The following RCOR3 variants were observed in gnomAD, a reference collection of about 807,000 sequenced individuals.
The protein encoded by RCOR3 is REST corepressor 3.
In RCOR3, 13 loss-of-function variants were observed where a neutral mutation model predicts 64.1. That is an observed-to-expected ratio of 0.20 (90% CI 0.13 to 0.32). The LOEUF is 0.32. Among genes scored for constraint, RCOR3 ranks in the 10% least tolerant of loss-of-function variants. The probability of loss-of-function intolerance (pLI) is 1.00; values close to 1 mark genes in which losing one functional copy is unlikely to be tolerated. For missense variants in RCOR3, 489 were observed against 701.2 expected (o/e 0.70, Z 3.42); for synonymous variants, 215 against 239.0 (o/e 0.90, Z 0.93).
chr1:211,276,989 G>C (rs1697064754), intron 5 of RCOR3, among the ~76,000 whole-genome samples: 1 of 151,562 alleles, frequency 6.6e-6, no homozygotes, highest in African/African-American at 2.4e-5. Context: ...GGGAGGCTGA[G>C]GCAGAAGAAT....
chr1:211,314,489 A>G lies in RCOR3; in HGVS notation c.*721A>G, dbSNP rs1701767136. 3 of 152,220 alleles carry G rather than the reference A, an allele frequency of 2.0e-5. No homozygotes were observed. In the South Asian group the frequency reaches 6.2e-4, roughly 31 times the overall value. The allele number at this position is 152,220 out of a possible 1,614,324, so 9.4% of individuals were successfully genotyped here. ...AGCGCAGAGTCCTTGTTTAAAGGTCATTGACTCATCATCTGTCAGTAATGA... is the reference window on the plus strand; with the variant it reads ...AGCGCAGAGTCCTTGTTTAAAGGTCGTTGACTCATCATCTGTCAGTAATGA... On this transcript the variant is annotated 3_prime_UTR_variant, in exon 12 of 12. Coordinates refer to ENST00000419091, the MANE Select transcript of RCOR3 (RefSeq NM_001136223.3).
Position 211,259,449 on chromosome 1 carries a change from G to C in RCOR3, c.-112G>C. The stretch of plus-strand genomic sequence containing the variant: ...AACAGCCTCCTCCTCCTCCGCCGCC[G>C]CCGCCGTCTCCTCCTCCTCCTCCTT... On this transcript the variant is annotated 5_prime_UTR_variant, in exon 1 of 12. Transcript: ENST00000419091. 1.8e-6 allele frequency: 2 copies of C among 1,106,562 alleles called. No individual in the cohort carries two copies. 68.5% of individuals were successfully genotyped at this position (1,106,562 alleles called of 1,614,324 possible). A position where few individuals can be genotyped will look rare whatever the true frequency, so the allele number is the denominator to read the frequency against.
chr1:211,291,684 A>T, intron 8 of RCOR3: 1 of 410,406 alleles, frequency 2.4e-6, no homozygotes, highest in Non-Finnish European at 4.8e-6. Flanking sequence ...GGTCCTGGTT[A>T]TTCACCCAAA....
intron 7 of RCOR3, among the ~76,000 whole-genome samples, chr1:211,288,580 A>G (rs1438350473): frequency 6.8e-6 from 1 of 147,134 alleles, no homozygotes; most frequent in Non-Finnish European, 1.5e-5. Flanking sequence ...TATTATATTT[A>G]TTTTATTTAT....
intron 8 of RCOR3, among the ~76,000 whole-genome samples, chr1:211,292,475 C>T (rs191549543): frequency 6.6e-6 from 1 of 152,284 alleles, no homozygotes; most frequent in East Asian, 1.9e-4. Flanking sequence ...ACTACTACTC[C>T]TACACTTAGG....
Position 211,281,834 on chromosome 1 carries a change from C to T in RCOR3, c.720+2518C>T, listed in dbSNP as rs1697855653. Among the ~76,000 whole-genome samples the T allele has an allele frequency of 1.3e-5, 2 of 152,154 alleles. 1 individual carries two copies. Among genetic ancestry groups the T allele is most frequent in the Admixed American group, 1.3e-4 (2 of 15,254 alleles). On this transcript the variant is annotated intron_variant, in intron 7 of 11. Coordinates refer to ENST00000419091, the MANE Select transcript of RCOR3 (RefSeq NM_001136223.3). ...CCTTAAATCTGTTGCAGTACTAATTCTACTGAGTGGTACTTGTTTACTCAT... is the reference window on the plus strand; with the variant it reads ...CCTTAAATCTGTTGCAGTACTAATTTTACTGAGTGGTACTTGTTTACTCAT...
intron 9 of RCOR3, among the ~76,000 whole-genome samples, chr1:211,300,070 TC>T (rs1218623486): frequency 9.9e-6 from 1 of 101,510 alleles, no homozygotes; most frequent in African/African-American, 2.7e-5. Flanking sequence ...TTTCTTTCTT[TC>T]TTTTTTTTTT....
chr1:211,262,993 G>C (rs1694609326), intron 2 of RCOR3, among the ~76,000 whole-genome samples: 1 of 149,572 alleles, frequency 6.7e-6, no homozygotes, highest in Non-Finnish European at 1.5e-5. Flanking sequence ...TTTAGCATTA[G>C]GTATATCTCC....
intron 10 of RCOR3, among the ~76,000 whole-genome samples, chr1:211,308,111 G>A (rs987641384): frequency 6.6e-6 from 1 of 152,152 alleles, no homozygotes; most frequent in Non-Finnish European, 1.5e-5. Flanking sequence ...AAAGGAAGTG[G>A]AACAAGGAGA....
chr1:211,290,101 G>C (rs1014093887), intron 8 of RCOR3, among the ~76,000 whole-genome samples: 3 of 152,240 alleles, frequency 2.0e-5, no homozygotes, highest in Admixed American at 2.0e-4. Flanking sequence ...TTTCTTAGTT[G>C]TCTTTTCCTA....
At position 211,313,811 on chromosome 1, in the gene RCOR3, TTATA is replaced by T; in HGVS notation, c.*44_*47del. On this transcript the variant is annotated 3_prime_UTR_variant, in exon 12 of 12. Transcript: ENST00000419091. This position sits in a 1 kb window ranked among gnomAD's most constrained non-coding sequence, Gnocchi z 4.7. ...GCTGCAGTAACTTTTCACCCCATCA[TTATA>T]CCAGTGCTCATCTGACTGATGAAAA... 2.7e-6 allele frequency: 4 copies of T among 1,492,406 alleles called. No individual in the cohort carries two copies. The highest frequency in any genetic ancestry group is 3.7e-6 in the Non-Finnish European group (4 of 1,075,660). 92.4% of individuals were successfully genotyped at this position (1,492,406 alleles called of 1,614,324 possible). A position where few individuals can be genotyped will look rare whatever the true frequency, so the allele number is the denominator to read the frequency against.
intron 10 of RCOR3, among the ~76,000 whole-genome samples, chr1:211,309,430 C>G (rs780433238): frequency 1.3e-5 from 2 of 152,022 alleles, no homozygotes; most frequent in Non-Finnish European, 2.9e-5. Context: ...TGTTAATTCC[C>G]AAATAAAACT....
At chr1:211,285,048 T>C (rs1698340585) in intron 7 of RCOR3, among the ~76,000 whole-genome samples, 1 of 152,216 alleles carries the variant, frequency 6.6e-6, no homozygotes, top group African/African-American at 2.4e-5. Context: ...TTAAGGAGTG[T>C]GTACCTTGGT....
At chr1:211,281,569 A>G (rs370744684) in intron 7 of RCOR3, among the ~76,000 whole-genome samples, 1 of 152,196 alleles carries the variant, frequency 6.6e-6, no homozygotes. Flanking sequence ...CGTCTGTAGG[A>G]TAAAACACAA....
At chr1:211,307,526 T>C (rs1700977594) in intron 10 of RCOR3, among the ~76,000 whole-genome samples, 1 of 152,184 alleles carries the variant, frequency 6.6e-6, no homozygotes, top group South Asian at 2.1e-4. Context: ...TTTAAAAGAA[T>C]TTAAAAAGGA....
intron 9 of RCOR3, chr1:211,301,480 C>T (rs1197459550): frequency 6.6e-6 from 1 of 152,164 alleles, no homozygotes; most frequent in African/African-American, 2.4e-5. Flanking sequence ...ACTTATCAAC[C>T]TTGATTTTTA....
chr1:211,260,962 A>C (rs934827343), intron 2 of RCOR3: 1 of 152,168 alleles, frequency 6.6e-6, no homozygotes, highest in Non-Finnish European at 1.5e-5. Context: ...CAGCCTGTGC[A>C]GGGATTGGGC....
At chr1:211,270,578 C>G (rs1453477523) in intron 2 of RCOR3, among the ~76,000 whole-genome samples, 1 of 150,590 alleles carries the variant, frequency 6.6e-6, no homozygotes, top group African/African-American at 2.4e-5. Flanking sequence ...GGCATTCTCT[C>G]TCGTTTAAAA....
At chr1:211,294,399 G>A (rs546489669) in intron 8 of RCOR3, among the ~76,000 whole-genome samples, 3 of 151,730 alleles carry the variant, frequency 2.0e-5, no homozygotes, top group East Asian at 1.9e-4. Flanking sequence ...TGTCTTTGTT[G>A]TAGCATTTAT....
Sources: allele counts gnomAD v4.1 joint callset (sites outside exome capture counted in the v4.1 genomes callset), GRCh38; gene constraint gnomAD v4.1.1; non-coding constraint Gnocchi (gnomAD v3.1); transcripts MANE v1.5; gene names NCBI Gene and HGNC (gene_info 2026-07-23, HGNC 2026-07-21).